Variants in ULK4 observed in about 807,000 individuals in gnomAD.
ULK4 encodes the protein unc-51 like kinase 4.
A neutral mutation model predicts 160.6 loss-of-function variants in ULK4; 133 were observed. The observed-to-expected ratio is 0.83, with a 90% CI of 0.72 to 0.96. The LOEUF (loss-of-function observed/expected upper bound fraction) is 0.96. Ranked by LOEUF, ULK4 falls within the 40% of genes least tolerant of loss-of-function variation. ULK4 has a pLI of 0.00. For missense variants in ULK4, 1,580 were observed against 1,499.5 expected (o/e 1.05, Z -0.89); for synonymous variants, 534 against 539.8 (o/e 0.99, Z 0.15).
At chr3:41,478,141 A>G (rs948376086) in intron 32 of ULK4, among the ~76,000 whole-genome samples, 2 of 152,070 alleles carry the variant, frequency 1.3e-5, no homozygotes, top group Non-Finnish European at 2.9e-5. Flanking sequence ...TCTAAGCTCC[A>G]GGGCCCATGG....
chr3:41,803,928 T>C (rs1211819905), intron 19 of ULK4, among the ~76,000 whole-genome samples: 1 of 152,228 alleles, frequency 6.6e-6, no homozygotes. Flanking sequence ...CTGTTGTGAA[T>C]AGTGCCACAA....
chr3:41,479,239 G>A (rs1284734447), intron 32 of ULK4, among the ~76,000 whole-genome samples: 1 of 152,172 alleles, frequency 6.6e-6, no homozygotes, highest in African/African-American at 2.4e-5. Flanking sequence ...ATCTACTTCT[G>A]AGATGGTAAG....
intron 35 of ULK4, among the ~76,000 whole-genome samples, chr3:41,388,157 C>T (rs1310246262): frequency 1.3e-5 from 2 of 152,104 alleles, no homozygotes; most frequent in African/African-American, 2.4e-5. Flanking sequence ...TGTGTTTTGG[C>T]TGCATAAATG....
intron 29 of ULK4, 80 bp from the exon 30 acceptor site, chr3:41,663,779 TC>T: frequency 8.8e-7 from 1 of 1,142,264 alleles, no homozygotes. Flanking sequence ...AGCCAAACTA[TC>T]AATTTAGCTT....
chr3:41,866,951 T>C (rs2125689544), intron 17 of ULK4, among the ~76,000 whole-genome samples: 2 of 152,324 alleles, frequency 1.3e-5, no homozygotes, highest in Middle Eastern at 6.8e-3. Context: ...TATCTCCCAG[T>C]CTTGACGTTA....
intron 7 of ULK4, among the ~76,000 whole-genome samples, chr3:41,916,767 G>A (rs1698982801): frequency 6.7e-6 from 1 of 150,148 alleles, no homozygotes; most frequent in South Asian, 2.1e-4. Flanking sequence ...GAGTGCAATG[G>A]AGCGATCTCA....
intron 32 of ULK4, among the ~76,000 whole-genome samples, chr3:41,489,723 A>G (rs924700257): frequency 2.0e-5 from 3 of 152,110 alleles, no homozygotes; most frequent in African/African-American, 7.2e-5. Flanking sequence ...TCTAGTAAAT[A>G]CGAGTTCTCC....
chr3:41,774,136 C>G (rs1218801529), intron 21 of ULK4, among the ~76,000 whole-genome samples: 1 of 152,134 alleles, frequency 6.6e-6, no homozygotes, highest in Non-Finnish European at 1.5e-5. Context: ...AAAACCTAGG[C>G]ATTACCATTC....
chr3:41,300,837 T>TA (rs1553640531), intron 35 of ULK4, among the ~76,000 whole-genome samples: 663 of 57,840 alleles, frequency 0.011, 66 homozygotes, highest in Middle Eastern at 0.026. Flanking sequence ...ATTTTACAGA[T>TA]TATATATATA....
intron 30 of ULK4, among the ~76,000 whole-genome samples, chr3:41,644,839 G>C (rs1309587489): frequency 6.6e-6 from 1 of 152,074 alleles, no homozygotes; most frequent in Non-Finnish European, 1.5e-5. Flanking sequence ...CTTTTTGGTT[G>C]GTAAGCTATT....
At position 41,834,293 on chromosome 3, in the gene ULK4, T is replaced by C. The variant is rs569189313; in HGVS notation, c.1764+1571A>G. On this transcript the variant is annotated intron_variant, in intron 18 of 36. Transcript: ENST00000301831. ...AACAAAATTTTTTTATATATTAATA[T>C]ATGTAAATACTACTTTTGTGCATTG... Among the ~76,000 whole-genome samples, 12 of 152,126 alleles carry C rather than the reference T, an allele frequency of 7.9e-5. No homozygotes were observed. The East Asian group carries it at 2.3e-3, about 29-fold the overall frequency.
chr3:41,732,290 G>C (rs1277359773), intron 22 of ULK4, among the ~76,000 whole-genome samples: 1 of 151,610 alleles, frequency 6.6e-6, no homozygotes, highest in Non-Finnish European at 1.5e-5. Flanking sequence ...AAAAAAATCT[G>C]CTAAGAAATG....
At chr3:41,522,461 A>G (rs1241417190) in intron 32 of ULK4, among the ~76,000 whole-genome samples, 3 of 152,088 alleles carry the variant, frequency 2.0e-5, no homozygotes, top group Non-Finnish European at 4.4e-5. Flanking sequence ...CTTCTTTTAC[A>G]TTAAAAAAAC....
chr3:41,338,782 A>G (rs1486434931), intron 35 of ULK4, among the ~76,000 whole-genome samples: 1 of 151,582 alleles, frequency 6.6e-6, no homozygotes, highest in South Asian at 2.1e-4. Context: ...ATATATATAT[A>G]TGATATACAT....
chr3:41,901,594 C>T (rs1698366721), intron 12 of ULK4, among the ~76,000 whole-genome samples: 1 of 150,856 alleles, frequency 6.6e-6, no homozygotes, highest in African/African-American at 2.4e-5. Context: ...AATTCTCCTG[C>T]TTCAGCCTCC....
At chr3:41,736,520 C>A (rs1252115840) in intron 22 of ULK4, among the ~76,000 whole-genome samples, 3 of 151,880 alleles carry the variant, frequency 2.0e-5, no homozygotes, top group African/African-American at 2.4e-5. Context: ...ATATCCTTCG[C>A]CCACTTTGTG....
At chr3:41,844,216 G>C in intron 17 of ULK4, among the ~76,000 whole-genome samples, 1 of 152,160 alleles carries the variant, frequency 6.6e-6, no homozygotes, top group Non-Finnish European at 1.5e-5. Flanking sequence ...GCATGGAGCA[G>C]GGGGCGGCGC....
At chr3:41,718,926 T>C (rs2125847459) in intron 22 of ULK4, among the ~76,000 whole-genome samples, 1 of 152,316 alleles carries the variant, frequency 6.6e-6, no homozygotes, top group South Asian at 2.1e-4. Context: ...TAGCCTTGAT[T>C]CTGTATCAGT....
intron 32 of ULK4, among the ~76,000 whole-genome samples, chr3:41,563,508 AT>A (rs958340163): frequency 2.0e-4 from 31 of 152,186 alleles, no homozygotes; most frequent in African/African-American, 7.2e-4. Context: ...TCAAAAGTAG[AT>A]TTGGTCTTTT....
Sources: gnomAD v4.1 joint callset for allele counts (sites outside exome capture counted in the v4.1 genomes callset) on GRCh38, gnomAD v4.1.1 for gene constraint, MANE v1.5 for transcripts, NCBI Gene and HGNC (gene_info 2026-07-23, HGNC 2026-07-21) for gene names.